The following NAE1 variants were observed in gnomAD, a reference collection of about 807,000 sequenced individuals.
NAE1 encodes NEDD8-activating enzyme E1 regulatory subunit.
A neutral mutation model predicts 88.0 loss-of-function variants in NAE1; 59 were observed. The ratio of observed to expected loss-of-function variants is 0.67; its 90% CI spans 0.54 to 0.83. NAE1 has a LOEUF of 0.83. Ranked by LOEUF, NAE1 falls within the 40% of genes least tolerant of loss-of-function variation. NAE1 has a pLI of 0.00. For synonymous variants in NAE1, 186 were observed against 208.9 expected (o/e 0.89, Z 0.95); for missense variants, 554 against 632.8 (o/e 0.88, Z 1.34).
chr16:66,817,113 C>T, intron 9 of NAE1, 85 bp from the exon 10 acceptor site: 1 of 1,444,954 alleles, frequency 6.9e-7, no homozygotes, highest in Non-Finnish European at 9.2e-7. Context: ...CCATTCTCTA[C>T]ATAAGATTTC....
chr16:66,830,432 G>A (rs1347714967), intron 1 of NAE1, among the ~76,000 whole-genome samples: 2 of 152,164 alleles, frequency 1.3e-5, no homozygotes, highest in African/African-American at 2.4e-5. Context: ...AATTACATTT[G>A]CGGCTCACAT....
intron 1 of NAE1, chr16:66,827,821 G>A (rs1334384861): frequency 1.6e-6 from 1 of 618,740 alleles, no homozygotes; most frequent in Non-Finnish European, 2.8e-6. Context: ...TAGTCAGTAT[G>A]TCCTCCAGAG....
intron 3 of NAE1, chr16:66,826,287 G>A (rs1349052383): frequency 9.8e-6 from 5 of 512,638 alleles, no homozygotes; most frequent in East Asian, 3.3e-5. Flanking sequence ...AAGGAATAAC[G>A]ACTACTCCTT....
At chr16:66,804,115 T>C (rs1168608598) in intron 19 of NAE1, among the ~76,000 whole-genome samples, 1 of 151,974 alleles carries the variant, frequency 6.6e-6, no homozygotes, top group Non-Finnish European at 1.5e-5. Context: ...GAGAAGGGGT[T>C]TGTATTTTAA....
chr16:66,804,722 GGCC>G (rs1959493245), intron 19 of NAE1, among the ~76,000 whole-genome samples: 1 of 152,042 alleles, frequency 6.6e-6, no homozygotes, highest in Non-Finnish European at 1.5e-5. Context: ...ATGAGGATAG[GGCC>G]TTTGGTAGGT....
chr16:66,824,908 A>G, intron 3 of NAE1, 23 bp from the exon 4 acceptor site: 1 of 1,593,762 alleles, frequency 6.3e-7, no homozygotes, highest in Non-Finnish European at 8.5e-7. Context: ...GAATAAAGGA[A>G]AAAAAAGTAA....
At chr16:66,818,050 A>G (rs1182988478) in intron 8 of NAE1, among the ~76,000 whole-genome samples, 1 of 152,164 alleles carries the variant, frequency 6.6e-6, no homozygotes, top group East Asian at 1.9e-4. Flanking sequence ...TAAGCACATC[A>G]TGGAGAATGG....
At chr16:66,815,500 G>A (rs951275673) in intron 11 of NAE1, among the ~76,000 whole-genome samples, 1 of 151,926 alleles carries the variant, frequency 6.6e-6, no homozygotes, top group African/African-American at 2.4e-5. Context: ...GAGACTACAG[G>A]TGCATGCCAC....
intron 7 of NAE1, among the ~76,000 whole-genome samples, chr16:66,819,740 G>A (rs1482347221): frequency 1.3e-5 from 2 of 152,108 alleles, no homozygotes; most frequent in Non-Finnish European, 2.9e-5. Flanking sequence ...TTCTGATTTT[G>A]GATTTTTGGA....
intron 11 of NAE1, among the ~76,000 whole-genome samples, chr16:66,815,104 C>T (rs1235665235): frequency 2.0e-5 from 3 of 152,178 alleles, no homozygotes; most frequent in Non-Finnish European, 4.4e-5. Flanking sequence ...CCCTTGTCCC[C>T]AGCATGCTCT....
intron 8 of NAE1, among the ~76,000 whole-genome samples, chr16:66,817,846 G>A (rs1567493006): frequency 6.6e-6 from 1 of 152,026 alleles, no homozygotes; most frequent in Non-Finnish European, 1.5e-5. Context: ...ATATGGAAGT[G>A]GGAAAAAATA....
intron 19 of NAE1, among the ~76,000 whole-genome samples, chr16:66,804,314 A>C (rs552278706): frequency 4.6e-5 from 7 of 152,078 alleles, no homozygotes; most frequent in Non-Finnish European, 1.0e-4. Context: ...CAGTCCATCC[A>C]TCTGGCTGTA....
chr16:66,828,896 G>A (rs1420548806), intron 1 of NAE1, among the ~76,000 whole-genome samples: 1 of 151,450 alleles, frequency 6.6e-6, no homozygotes, highest in South Asian at 2.1e-4. Context: ...GATCGTTAGA[G>A]CCCAGGAAGT....
At position 66,825,426 on chromosome 16, in the gene NAE1, G is replaced by A. The variant is rs1013413198; in HGVS notation, c.219-541C>T. On this transcript the variant is annotated intron_variant, in intron 3 of 19. Transcript: ENST00000290810. ...TGCACCACGGCACTCCAGCCTGGGC[G>A]ACAGAGAAAGACTCCGTCTCAAAAA... Among the ~76,000 whole-genome samples, 5 of 143,934 alleles carry A rather than the reference G, an allele frequency of 3.5e-5. No homozygotes were observed. The South Asian group carries it at 6.6e-4, about 19-fold the overall frequency. The allele number at this position is 143,934 out of a possible 152,430, so 94.4% of individuals were successfully genotyped here.
chr16:66,818,754 T>C, intron 7 of NAE1, 117 bp from the exon 8 acceptor site: 1 of 1,337,222 alleles, frequency 7.5e-7, no homozygotes, highest in African/African-American at 1.5e-5. Context: ...AGCTCACTGC[T>C]GAAACTCCTG....
At chr16:66,828,786 G>A (rs1960574284) in intron 1 of NAE1, among the ~76,000 whole-genome samples, 1 of 151,890 alleles carries the variant, frequency 6.6e-6, no homozygotes, top group African/African-American at 2.4e-5. Context: ...GAGTGCAGAG[G>A]TACGAGACCA....
chr16:66,809,654 A>G (rs951051918), intron 15 of NAE1, among the ~76,000 whole-genome samples: 31 of 152,236 alleles, frequency 2.0e-4, no homozygotes, highest in African/African-American at 6.8e-4. Flanking sequence ...TTAGTCTAAT[A>G]GAACAAACAA....
intron 7 of NAE1, among the ~76,000 whole-genome samples, chr16:66,821,245 G>A (rs1960245477): frequency 6.6e-6 from 1 of 152,140 alleles, no homozygotes; most frequent in Non-Finnish European, 1.5e-5. Flanking sequence ...CTGTGCCTGT[G>A]GTATATCATG....
At chr16:66,823,096 A>AT in intron 6 of NAE1, 131 bp downstream of exon 6, 1 of 467,392 alleles carries the variant, frequency 2.1e-6, no homozygotes, top group Non-Finnish European at 3.5e-6. Context: ...AAAAAAAAAA[A>AT]AGTTTCATAT....
Sources: allele counts gnomAD v4.1 joint callset (sites outside exome capture counted in the v4.1 genomes callset), GRCh38; gene constraint gnomAD v4.1.1; transcripts MANE v1.5; gene names NCBI Gene and HGNC (gene_info 2026-07-23, HGNC 2026-07-21).